The following CEP170 variants were observed in gnomAD, a reference collection of about 807,000 sequenced individuals.
CEP170 encodes centrosomal protein of 170 kDa.
A neutral mutation model predicts 151.9 loss-of-function variants in CEP170; 21 were observed. The ratio of observed to expected loss-of-function variants is 0.14; its 90% CI spans 0.10 to 0.20. The LOEUF (loss-of-function observed/expected upper bound fraction) is 0.20. CEP170 is among the 10% of genes least tolerant of loss of function. The probability of loss-of-function intolerance (pLI) is 1.00; values close to 1 mark genes in which losing one functional copy is unlikely to be tolerated. For synonymous variants in CEP170, 356 were observed against 648.8 expected, an observed-to-expected ratio of 0.55 and a Z score of 6.86; for missense variants, 964 against 1,892.9, an observed-to-expected ratio of 0.51 and a Z score of 9.11.
chr1:243,163,131 G>A (rs2058196089), intron 13 of CEP170: 1 of 152,184 alleles, frequency 6.6e-6, no homozygotes, highest in Non-Finnish European at 1.5e-5. Context: ...AGGAAGAAAA[G>A]TGAAAAAAGT....
chr1:243,170,773 GAC>G (rs1015460065), intron 11 of CEP170, among the ~76,000 whole-genome samples: 4 of 152,226 alleles, frequency 2.6e-5, no homozygotes, highest in African/African-American at 9.6e-5. Flanking sequence ...CAGCCTGGGT[GAC>G]AGAGGGAGAC....
chr1:243,246,226 C>CTTTTTTTTTT (rs774096892), intron 1 of CEP170, among the ~76,000 whole-genome samples: 1 of 109,470 alleles, frequency 9.1e-6, no homozygotes, highest in African/African-American at 3.9e-5. Flanking sequence ...GTGTTGTTTA[C>CTTTTTTTTTT]TTTTTTTTTT....
chr1:243,177,613 C>T (rs2059338199), intron 10 of CEP170, among the ~76,000 whole-genome samples: 1 of 152,146 alleles, frequency 6.6e-6, no homozygotes, highest in African/African-American at 2.4e-5. Context: ...TAATTTGACA[C>T]TTTAAGAATT....
At chr1:243,188,625 T>A (rs2060082010) in intron 8 of CEP170, among the ~76,000 whole-genome samples, 1 of 152,204 alleles carries the variant, frequency 6.6e-6, no homozygotes, top group African/African-American at 2.4e-5. Flanking sequence ...GTCAGTGGTG[T>A]GGCCTAAAAC....
At chr1:243,172,885 T>C in intron 10 of CEP170, 39 bp from the exon 11 acceptor site, 6 of 1,507,370 alleles carry the variant, frequency 4.0e-6, no homozygotes, top group Non-Finnish European at 4.4e-6. Flanking sequence ...AAACGAAAAG[T>C]CTGAACACAA....
At chr1:243,211,168 C>T (rs920645578) in intron 4 of CEP170, 1 of 149,800 alleles carries the variant, frequency 6.7e-6, no homozygotes, top group Non-Finnish European at 1.5e-5. Context: ...ATTAAATGTA[C>T]ATAAATCCTT....
intron 8 of CEP170, among the ~76,000 whole-genome samples, chr1:243,187,506 G>A (rs2060010981): frequency 6.6e-6 from 1 of 152,168 alleles, no homozygotes; most frequent in African/African-American, 2.4e-5. Flanking sequence ...CTTTAGCTAT[G>A]AATGAATTTA....
chr1:243,248,755 A>T (rs2149186516), intron 1 of CEP170, among the ~76,000 whole-genome samples: 1 of 152,322 alleles, frequency 6.6e-6, no homozygotes, highest in South Asian at 2.1e-4. Context: ...TTAAAAATAT[A>T]ACCCAATTTT....
intron 2 of CEP170, among the ~76,000 whole-genome samples, chr1:243,222,043 C>T (rs1463653645): frequency 6.6e-6 from 1 of 152,146 alleles, no homozygotes; most frequent in Non-Finnish European, 1.5e-5. Context: ...ACTAAATTCA[C>T]ATGTTCTATT....
At chr1:243,240,301 T>A (rs2064700183) in intron 1 of CEP170, among the ~76,000 whole-genome samples, 1 of 152,106 alleles carries the variant, frequency 6.6e-6, no homozygotes, top group African/African-American at 2.4e-5. Flanking sequence ...CAAGAAACTC[T>A]GTCTCAAAAA....
rs575427394 is a variant in CEP170 at position 243,230,232 on chromosome 1, G to C, written c.-41-4911C>G. Among the ~76,000 whole-genome samples the C allele has an allele frequency of 1.7e-4, 26 of 152,102 alleles. No individual in the cohort carries two copies. In the South Asian group the frequency reaches 5.2e-3, roughly 30 times the overall value. ...AGCTGGGCATGGTGGCATCCAGGAG[G>C]TTGAAGCTGCAGTGAGCCATGATCA... On this transcript the variant is annotated intron_variant, in intron 1 of 19. Coordinates refer to ENST00000366542, the MANE Select transcript of CEP170 (RefSeq NM_014812.3).
At chr1:243,154,502 A>G (rs1189959970) in intron 14 of CEP170, among the ~76,000 whole-genome samples, 1 of 152,186 alleles carries the variant, frequency 6.6e-6, no homozygotes, top group Non-Finnish European at 1.5e-5. Context: ...TTTTCTCCAC[A>G]TAAAACAAAC....
chr1:243,225,158 G>A lies in CEP170; in HGVS notation c.105+18C>T, dbSNP rs1248786521. Reference sequence around the variant, plus strand: ...CAAGTTTTGAATAAACACATATAGAGAAGCTTGACACAATTACCTGCAACA... The same window carrying A: ...CAAGTTTTGAATAAACACATATAGAAAAGCTTGACACAATTACCTGCAACA... On this transcript the variant is annotated intron_variant, in intron 2 of 19. Coordinates refer to ENST00000366542, the MANE Select transcript of CEP170 (RefSeq NM_014812.3). 49 of 1,505,370 alleles carry A rather than the reference G, an allele frequency of 3.3e-5. No homozygotes were observed. The highest frequency in any genetic ancestry group is 4.2e-5 in the Non-Finnish European group (47 of 1,106,220). 93.3% of individuals were successfully genotyped at this position (1,505,370 alleles called of 1,614,324 possible). A position where few individuals can be genotyped will look rare whatever the true frequency, so the allele number is the denominator to read the frequency against.
chr1:243,163,198 A>T, intron 13 of CEP170: 1 of 152,222 alleles, frequency 6.6e-6, no homozygotes, highest in Non-Finnish European at 1.5e-5. Flanking sequence ...TGGTAGATGT[A>T]AACCAATCAA....
At chr1:243,218,543 C>G (rs2062514913) in intron 3 of CEP170, among the ~76,000 whole-genome samples, 1 of 152,184 alleles carries the variant, frequency 6.6e-6, no homozygotes, top group African/African-American at 2.4e-5. Context: ...AATTGTAGAT[C>G]TAGGTCCCTT....
intron 15 of CEP170, 105 bp downstream of exon 15, chr1:243,142,211 A>G: frequency 6.3e-7 from 1 of 1,583,500 alleles, no homozygotes; most frequent in Non-Finnish European, 8.5e-7. Context: ...GCTTCATGCA[A>G]ACAGGGAGGG....
chr1:243,219,909 C>T (rs1193437233), intron 3 of CEP170, among the ~76,000 whole-genome samples: 3 of 152,158 alleles, frequency 2.0e-5, no homozygotes, highest in African/African-American at 7.2e-5. Context: ...AGCATAGCTA[C>T]AGAGGTATAA....
intron 10 of CEP170, among the ~76,000 whole-genome samples, chr1:243,184,347 ACT>A (rs200021958): frequency 6.6e-5 from 10 of 150,850 alleles, no homozygotes; most frequent in East Asian, 2.0e-4. Flanking sequence ...CTTAAATTGC[ACT>A]CTCTCTCTCT....
rs534869721 is a variant in CEP170 at position 243,209,930 on chromosome 1, T to C, written c.274+1956A>G. Among the ~76,000 whole-genome samples, 5 of 152,222 alleles carry C rather than the reference T, an allele frequency of 3.3e-5. No individual in the cohort carries two copies. The East Asian group carries it at 9.7e-4, about 29-fold the overall frequency. On this transcript the variant is annotated intron_variant, in intron 4 of 19. Coordinates refer to ENST00000366542, the MANE Select transcript of CEP170 (RefSeq NM_014812.3). ...GGATGGTCTCAATCTCCTGACCTCA[T>C]GATCCGCCTGCCTCAGCCTCCCCAC...
Sources: gnomAD v4.1 joint callset for allele counts (sites outside exome capture counted in the v4.1 genomes callset) on GRCh38, gnomAD v4.1.1 for gene constraint, MANE v1.5 for transcripts, NCBI Gene and HGNC (gene_info 2026-07-23, HGNC 2026-07-21) for gene names.